CNTN4: variants seen among roughly 807,000 people sequenced by gnomAD.
CNTN4 encodes the protein contactin-4.
Under a neutral mutation model 122.5 loss-of-function variants are expected in CNTN4, and 77 were observed. The ratio of observed to expected loss-of-function variants is 0.63; its 90% CI spans 0.52 to 0.76. The LOEUF (loss-of-function observed/expected upper bound fraction) is 0.76. Among genes scored for constraint, CNTN4 ranks in the 30% least tolerant of loss-of-function variants. CNTN4 has a pLI of 0.00. For synonymous variants in CNTN4, 512 were observed against 447.0 expected (o/e 1.15, Z -1.83); for missense variants, 1,256 against 1,259.1 (o/e 1.00, Z 0.04).
intron 4 of CNTN4, among the ~76,000 whole-genome samples, chr3:2,590,819 A>C (rs1250423364): frequency 6.6e-6 from 1 of 151,984 alleles, no homozygotes; most frequent in African/African-American, 2.4e-5. Context: ...CAGCAGAAAA[A>C]CTTTTCCTGA....
At chr3:2,120,406 T>TAAATATATATATA (rs1491534107) in intron 2 of CNTN4, among the ~76,000 whole-genome samples, 1 of 24,576 alleles carries the variant, frequency 4.1e-5, no homozygotes, top group African/African-American at 1.3e-4. Context: ...TATATATATA[T>TAAATATATATATA]TTTTTTTTTT....
chr3:2,677,525 T>C (rs1392175298), intron 4 of CNTN4, among the ~76,000 whole-genome samples: 1 of 150,258 alleles, frequency 6.7e-6, no homozygotes, highest in Non-Finnish European at 1.5e-5. Context: ...TATCTATCTG[T>C]AGAGAGAAAG....
chr3:2,335,643 G>C (rs570437824), intron 2 of CNTN4, among the ~76,000 whole-genome samples: 4 of 147,364 alleles, frequency 2.7e-5, no homozygotes, highest in Non-Finnish European at 5.9e-5. Flanking sequence ...CTACCTACTT[G>C]AATCATCTCT....
intron 4 of CNTN4, among the ~76,000 whole-genome samples, chr3:2,730,163 T>C (rs748716842): frequency 3.1e-4 from 47 of 152,130 alleles, no homozygotes; most frequent in Non-Finnish European, 6.3e-4. Context: ...TATTTGCATA[T>C]ATATAATGAG....
intron 4 of CNTN4, among the ~76,000 whole-genome samples, chr3:2,666,322 T>A (rs941867905): frequency 1.3e-5 from 2 of 152,182 alleles, no homozygotes; most frequent in African/African-American, 4.8e-5. Flanking sequence ...ATAGCTTAAG[T>A]CTTCATAGTC....
chr3:3,020,166 G>A (rs976366267), intron 14 of CNTN4, among the ~76,000 whole-genome samples: 1 of 152,012 alleles, frequency 6.6e-6, no homozygotes, highest in East Asian at 1.9e-4. Flanking sequence ...CTGATTTATA[G>A]TACTTCAAGA....
intron 3 of CNTN4, among the ~76,000 whole-genome samples, chr3:2,465,494 C>T (rs1201582675): frequency 5.3e-5 from 8 of 151,926 alleles, no homozygotes; most frequent in South Asian, 4.2e-4. Flanking sequence ...CTGGGCAACA[C>T]GGTGAAACCC....
At chr3:2,831,106 C>A (rs997300010) in intron 7 of CNTN4, among the ~76,000 whole-genome samples, 1 of 151,996 alleles carries the variant, frequency 6.6e-6, no homozygotes, top group African/African-American at 2.4e-5. Flanking sequence ...CTGGAAAAAG[C>A]CAAATTGAAG....
At chr3:2,863,165 G>C (rs997726799) in intron 7 of CNTN4, among the ~76,000 whole-genome samples, 1 of 152,108 alleles carries the variant, frequency 6.6e-6, no homozygotes, top group African/African-American at 2.4e-5. Context: ...GCTCCTTCCT[G>C]ATTGCCCTGA....
chr3:2,549,111 C>T (rs150702794), intron 3 of CNTN4, among the ~76,000 whole-genome samples: 7 of 125,282 alleles, frequency 5.6e-5, no homozygotes, highest in African/African-American at 1.8e-4. Flanking sequence ...ACAATCATGT[C>T]GGGTTTTCTA....
At chr3:2,343,011 TAAAGCCTTGTGAATAC>T (rs1383822144) in intron 3 of CNTN4, among the ~76,000 whole-genome samples, 3 of 152,244 alleles carry the variant, frequency 2.0e-5, no homozygotes, top group African/African-American at 7.2e-5. Flanking sequence ...GTGATGGCTG[TAAAGCCTTGTGAATAC>T]ACTAAAAACC....
chr3:2,378,647 C>T (rs974964181), intron 3 of CNTN4, among the ~76,000 whole-genome samples: 2 of 152,106 alleles, frequency 1.3e-5, no homozygotes, highest in Non-Finnish European at 2.9e-5. Context: ...TTCAGGGAAA[C>T]AGCTAATTAA....
At chr3:2,598,057 C>A (rs1480066802) in intron 4 of CNTN4, among the ~76,000 whole-genome samples, 1 of 152,116 alleles carries the variant, frequency 6.6e-6, no homozygotes, top group African/African-American at 2.4e-5. Context: ...TTTTTTGCAG[C>A]CTTCCCTTAC....
chr3:2,729,769 C>A (rs2088538387), intron 4 of CNTN4, among the ~76,000 whole-genome samples: 1 of 151,558 alleles, frequency 6.6e-6, no homozygotes, highest in Non-Finnish European at 1.5e-5. Flanking sequence ...AAAAAATTAG[C>A]CAGGTGTGTT....
chr3:2,315,851 A>G (rs1231155979), intron 2 of CNTN4, among the ~76,000 whole-genome samples: 1 of 152,130 alleles, frequency 6.6e-6, no homozygotes, highest in Non-Finnish European at 1.5e-5. Context: ...AAAAAATTAC[A>G]TCCACATGTT....
At chr3:2,206,620 T>G (rs2038356631) in intron 2 of CNTN4, among the ~76,000 whole-genome samples, 1 of 152,106 alleles carries the variant, frequency 6.6e-6, no homozygotes, top group South Asian at 2.1e-4. Context: ...TTAAATATGT[T>G]TATTGATCAA....
At chr3:2,231,877 A>AT (rs1214323375) in intron 2 of CNTN4, among the ~76,000 whole-genome samples, 5 of 152,180 alleles carry the variant, frequency 3.3e-5, no homozygotes, top group East Asian at 1.9e-4. Context: ...GGATTTTGGT[A>AT]TTTTTTCTTA....
intron 4 of CNTN4, among the ~76,000 whole-genome samples, chr3:2,731,400 T>C (rs2088670564): frequency 6.6e-6 from 1 of 152,168 alleles, no homozygotes. Context: ...GTTAGCCTAG[T>C]GACTGATTGG....
chr3:2,328,688 CAA>C (rs2043582056), intron 2 of CNTN4, among the ~76,000 whole-genome samples: 1 of 151,194 alleles, frequency 6.6e-6, no homozygotes, highest in Non-Finnish European at 1.5e-5. Context: ...TAAAAAATAA[CAA>C]AAATGTTAAA....
Sources: gnomAD v4.1 joint callset for allele counts (sites outside exome capture counted in the v4.1 genomes callset) on GRCh38, gnomAD v4.1.1 for gene constraint, MANE v1.5 for transcripts, NCBI Gene and HGNC (gene_info 2026-07-23, HGNC 2026-07-21) for gene names.